Variants in TNRC6B observed in about 807,000 individuals in gnomAD.
TNRC6B encodes trinucleotide repeat-containing gene 6B protein.
In TNRC6B, 52 loss-of-function variants were observed where a neutral mutation model predicts 203.6. The observed-to-expected ratio is 0.26, with a 90% confidence interval of 0.20 to 0.32. The LOEUF is 0.32. Ranked by LOEUF, TNRC6B falls within the 10% of genes least tolerant of loss-of-function variation. The probability of loss-of-function intolerance (pLI) is 1.00; values close to 1 mark genes in which losing one functional copy is unlikely to be tolerated. For synonymous variants in TNRC6B, 838 were observed against 845.7 expected (o/e 0.99, Z 0.16); for missense variants, 1,923 against 2,286.2 (o/e 0.84, Z 3.24).
At chr22:40,302,945 G>C (rs1282608495) in intron 15 of TNRC6B, among the ~76,000 whole-genome samples, 1 of 152,066 alleles carries the variant, frequency 6.6e-6, no homozygotes, top group Non-Finnish European at 1.5e-5. Flanking sequence ...TGCTCATCTG[G>C]GCTGCAAAAC....
intron 9 of TNRC6B, 118 bp downstream of exon 9, chr22:40,278,162 A>G: frequency 8.9e-6 from 7 of 788,878 alleles, no homozygotes; most frequent in Middle Eastern, 2.3e-4. Context: ...TTGAGCACTT[A>G]CTCTTTGTAA....
At chr22:40,128,197 T>C (rs1273567839) in intron 3 of TNRC6B, among the ~76,000 whole-genome samples, 1 of 152,224 alleles carries the variant, frequency 6.6e-6, no homozygotes, top group Non-Finnish European at 1.5e-5. Context: ...CTCTTATGTT[T>C]TTCCTCCTGA....
chr22:40,251,279 A>G, intron 3 of TNRC6B, 79 bp downstream of exon 3: 1 of 1,163,936 alleles, frequency 8.6e-7, no homozygotes, highest in Non-Finnish European at 1.2e-6. Context: ...TCAGCCTCCA[A>G]TCCACTGAAA....
Position 40,265,128 on chromosome 22 carries a change from A to G in TNRC6B, c.898A>G (p.Ser300Gly). 6.2e-7 allele frequency: 1 copy of G among 1,614,054 alleles called. No individual in the cohort carries two copies. The highest frequency in any genetic ancestry group is 8.5e-7 in the Non-Finnish European group (1 of 1,179,892). Reference sequence around the variant, plus strand: ...TAGAATTGGACCTGGCTCTGGCTTCAGCAACTTTAACCCAAATAGCAACCC... The same window carrying G: ...TAGAATTGGACCTGGCTCTGGCTTCGGCAACTTTAACCCAAATAGCAACCC... ...QDRIGPGSGFSNFNPNSNPSA... is the reference protein window; with the variant it reads ...QDRIGPGSGFGNFNPNSNPSA... The change falls in exon 5 of 23, where the codon AGC (serine) becomes GGC (glycine). Residue 300 changes from serine (S) to glycine (G), a missense_variant. This residue lies in a region of TNRC6B where 614 missense variants were observed against 587.7 expected (regional missense o/e 1.04). Coordinates refer to ENST00000454349, the MANE Select transcript of TNRC6B (RefSeq NM_001162501.2).
intron 1 of TNRC6B, among the ~76,000 whole-genome samples, chr22:40,222,077 C>T (rs891418355): frequency 1.1e-3 from 169 of 152,130 alleles, no homozygotes; most frequent in African/African-American, 4.0e-3. Flanking sequence ...TGTCTGGAGA[C>T]CTCTCTGACC....
intron 1 of TNRC6B, among the ~76,000 whole-genome samples, chr22:40,200,818 C>CCT (rs1300274658): frequency 4.6e-5 from 7 of 152,156 alleles, no homozygotes; most frequent in Non-Finnish European, 1.0e-4. Context: ...ACTAGAGCTG[C>CCT]ATGGCCTTGT....
chr22:40,286,792 C>G (rs993791086), intron 12 of TNRC6B, among the ~76,000 whole-genome samples: 1 of 152,166 alleles, frequency 6.6e-6, no homozygotes, highest in Non-Finnish European at 1.5e-5. Context: ...CTACCACATA[C>G]TTTCCCTGTT....
At chr22:40,169,082 T>G (rs1234695931) in intron 4 of TNRC6B, among the ~76,000 whole-genome samples, 1 of 151,740 alleles carries the variant, frequency 6.6e-6, no homozygotes, top group Non-Finnish European at 1.5e-5. Context: ...CAACAAATAA[T>G]GGTTGTTGAC....
intron 11 of TNRC6B, among the ~76,000 whole-genome samples, chr22:40,284,099 T>A (rs2070753659): frequency 6.6e-6 from 1 of 152,206 alleles, no homozygotes; most frequent in Non-Finnish European, 1.5e-5. Flanking sequence ...TAGGGCTGTG[T>A]GTTGGTAAGA....
intron 3 of TNRC6B, among the ~76,000 whole-genome samples, chr22:40,150,657 G>A (rs2068743176): frequency 6.6e-6 from 1 of 152,170 alleles, no homozygotes; most frequent in Non-Finnish European, 1.5e-5. Context: ...TGGGTGTGAG[G>A]TACCTAATTA....
intron 1 of TNRC6B, among the ~76,000 whole-genome samples, chr22:40,087,333 G>T (rs1180663009): frequency 2.0e-5 from 3 of 152,126 alleles, no homozygotes; most frequent in African/African-American, 7.2e-5. Flanking sequence ...CAGTGTTCAG[G>T]ATCTAATTCA....
At chr22:40,320,490 A>G (rs768061057) in intron 21 of TNRC6B, among the ~76,000 whole-genome samples, 2 of 152,182 alleles carry the variant, frequency 1.3e-5, no homozygotes, top group Non-Finnish European at 2.9e-5. Context: ...AAAACTAAAT[A>G]AGTAAAAAGA....
intron 18 of TNRC6B, 79 bp downstream of exon 18, chr22:40,312,730 G>T: frequency 6.5e-7 from 1 of 1,539,258 alleles, no homozygotes; most frequent in South Asian, 1.2e-5. Context: ...ATTTGTACTT[G>T]CTGGTACCTA....
chr22:40,170,977 A>G lies in TNRC6B; in HGVS notation c.113+14795A>G, dbSNP rs535716992. 3.9e-4 allele frequency among the ~76,000 whole-genome samples: 57 copies of G among 147,002 alleles called. 1 individual carries two copies. In the South Asian group the frequency reaches 9.3e-3, roughly 24 times the overall value. On this transcript the variant is annotated intron_variant, in intron 4 of 23. Transcript: ENST00000301923. The stretch of plus-strand genomic sequence containing the variant: ...TATATATACACACATATACCTGTAT[A>G]TGTACATATATGTGTATATATATAC...
chr22:40,281,069 C>A, intron 10 of TNRC6B, 50 bp from the exon 11 acceptor site: 2 of 1,430,908 alleles, frequency 1.4e-6, no homozygotes, highest in South Asian at 1.4e-5. Context: ...CATTCTGTTG[C>A]TTCACTAACC....
intron 6 of TNRC6B, among the ~76,000 whole-genome samples, chr22:40,272,004 G>T (rs2070570908): frequency 6.6e-6 from 1 of 152,086 alleles, no homozygotes; most frequent in South Asian, 2.1e-4. Context: ...CTCTCTAAAA[G>T]AAAGGTTCAC....
At chr22:40,171,111 A>G (rs999468477) in intron 4 of TNRC6B, among the ~76,000 whole-genome samples, 1 of 149,662 alleles carries the variant, frequency 6.7e-6, no homozygotes, top group African/African-American at 2.4e-5. Flanking sequence ...AATTTTTGCA[A>G]GGTGAGAATT....
chr22:40,270,143 C>G lies in TNRC6B; in HGVS notation c.2828C>G (p.Pro943Arg), dbSNP rs1176207760. The G allele has an allele frequency of 6.3e-7, 1 of 1,587,754 alleles. No homozygotes were observed. Among genetic ancestry groups the G allele is most frequent in the Admixed American group, 1.8e-5 (1 of 55,864 alleles). The change falls in exon 6 of 23, where the codon CCT becomes CGT. Residue 943 changes from proline to arginine, a missense_variant. Transcript: ENST00000454349. Reference sequence around the variant, plus strand: ...ATAGTCTGGAGCAAAAGCACACCACCTGCTCCAGATAATGGTACTTCCGCT... The same window carrying G: ...ATAGTCTGGAGCAAAAGCACACCACGTGCTCCAGATAATGGTACTTCCGCT... ...SASVWSKSTP[P>R]APDNGTSAWG...
chr22:40,288,623 A>ACCTCCG (rs1412925617), intron 12 of TNRC6B, among the ~76,000 whole-genome samples: 2 of 151,582 alleles, frequency 1.3e-5, no homozygotes, highest in African/African-American at 4.9e-5. Flanking sequence ...GCTCACTGCA[A>ACCTCCG]CCTCCGCCTC....
Sources: gnomAD v4.1 joint callset for allele counts (sites outside exome capture counted in the v4.1 genomes callset) on GRCh38, gnomAD v4.1.1 for gene constraint, gnomAD v4.1.1 regional missense constraint, MANE v1.5 for transcripts, NCBI Gene and HGNC (gene_info 2026-07-23, HGNC 2026-07-21) for gene names.